Variants in ERVFRD-1 observed in about 807,000 individuals in gnomAD.
ERVFRD-1 encodes syncytin-2.
In ERVFRD-1, 33 loss-of-function variants were observed where a neutral mutation model predicts 43.8. That is an observed-to-expected ratio of 0.75 (90% CI 0.57 to 1.01). The LOEUF (loss-of-function observed/expected upper bound fraction) is 1.01. ERVFRD-1 is among the 50% of genes least tolerant of loss of function. ERVFRD-1 has a pLI of 0.00. For synonymous variants in ERVFRD-1, 239 were observed against 244.4 expected, an observed-to-expected ratio of 0.98 and a Z score of 0.21; for missense variants, 568 against 658.4, an observed-to-expected ratio of 0.86 and a Z score of 1.50.
intron 1 of ERVFRD-1, among the ~76,000 whole-genome samples, chr6:11,109,835 A>G (rs968461441): frequency 4.6e-5 from 7 of 152,128 alleles, no homozygotes; most frequent in African/African-American, 1.7e-4. Context: ...AGACTTGATT[A>G]CCTGTCCACA....
chr6:11,106,888 C>G (rs995162431), intron 1 of ERVFRD-1, among the ~76,000 whole-genome samples: 1 of 152,206 alleles, frequency 6.6e-6, no homozygotes, highest in Non-Finnish European at 1.5e-5. Context: ...TAGGTACACC[C>G]TCTCCTTCCA....
Position 11,103,797 on chromosome 6 carries a change from T to C in ERVFRD-1, c.1514A>G (p.Asn505Ser), listed in dbSNP as rs1355627237. ...AGAGGAGACAAATTGGGTTATTAGA[T>C]TTAGGAGACATGGACCAAAAAGGAG... ...LLLLFGPCLL[N>S]LITQFVSSRL... The change falls in exon 2 of 2, where the codon AAT (asparagine) becomes AGT (serine). Residue 505 changes from asparagine (N) to serine (S), a missense_variant. Asn to Ser is a conservative substitution (Grantham distance 46, BLOSUM62 1). Transcript: ENST00000472091. The C allele has an allele frequency of 1.3e-6, 2 of 1,551,622 alleles. No homozygotes were observed. The highest frequency in any genetic ancestry group is 3.9e-5 in the Admixed American group (2 of 51,004).
Position 11,110,772 on chromosome 6 carries a change from T to C in ERVFRD-1, c.-321+905A>G, listed in dbSNP as rs545712302. ...AGAGGGCAACGTTTATTTGCCCTCT[T>C]GATATAAAGGAGGAACCTCTGGAGG... is the stretch of plus-strand genomic sequence containing the variant. On this transcript the variant is annotated intron_variant, in intron 1 of 1. Coordinates refer to ENST00000472091, the MANE Select transcript of ERVFRD-1 (RefSeq NM_207582.3). Among the ~76,000 whole-genome samples, 30 of 152,220 alleles carry C rather than the reference T, an allele frequency of 2.0e-4. No individual in the cohort carries two copies. The South Asian group carries it at 6.2e-3, about 32-fold the overall frequency.
At chr6:11,110,653 C>T (rs1039434090) in intron 1 of ERVFRD-1, among the ~76,000 whole-genome samples, 3 of 152,192 alleles carry the variant, frequency 2.0e-5, no homozygotes, top group East Asian at 3.8e-4. Context: ...CGAGGTAGAA[C>T]AATCCCTCTG....
chr6:11,105,328 T>A lies in ERVFRD-1; in HGVS notation c.-18A>T, dbSNP rs368385298. Reference sequence around the variant, plus strand: ...AGGCCCATGGTGACCTAAGAGAAACTGGTCACAAAACGAGCTGCCAATGGA... The same window carrying A: ...AGGCCCATGGTGACCTAAGAGAAACAGGTCACAAAACGAGCTGCCAATGGA... On this transcript the variant is annotated 5_prime_UTR_variant, in exon 2 of 2. Coordinates refer to ENST00000472091, the MANE Select transcript of ERVFRD-1 (RefSeq NM_207582.3). 23 of 1,586,074 alleles carry A rather than the reference T, an allele frequency of 1.5e-5. No individual in the cohort carries two copies. In the African/African-American group the frequency reaches 2.3e-4, roughly 16 times the overall value.
intron 1 of ERVFRD-1, among the ~76,000 whole-genome samples, chr6:11,107,328 C>T (rs919996806): frequency 2.0e-5 from 3 of 152,220 alleles, no homozygotes; most frequent in Admixed American, 6.5e-5. Flanking sequence ...TGTTTTCAGA[C>T]ACGTTGTATT....
chr6:11,103,483 C>A lies in ERVFRD-1; in HGVS notation c.*211G>T. On this transcript the variant is annotated 3_prime_UTR_variant, in exon 2 of 2. Transcript: ENST00000472091. ...CCTCAAGAGTCCAAGACCCAATTATCTGGGAAAATGGACGAAGGTCAGTCT... is the reference window on the plus strand; with the variant it reads ...CCTCAAGAGTCCAAGACCCAATTATATGGGAAAATGGACGAAGGTCAGTCT... 1 of 667,480 alleles carries A rather than the reference C, an allele frequency of 1.5e-6. No individual in the cohort carries two copies. The highest frequency in any genetic ancestry group is 2.3e-6 in the Non-Finnish European group (1 of 431,248). 41.3% of individuals were successfully genotyped at this position (667,480 alleles called of 1,614,324 possible).
rs1280632114 is a variant in ERVFRD-1 at position 11,105,186 on chromosome 6, T to C, written c.125A>G (p.Asn42Ser). The C allele has an allele frequency of 6.2e-7, 1 of 1,614,098 alleles. No homozygotes were observed. Among genetic ancestry groups the C allele is most frequent in the Non-Finnish European group, 8.5e-7 (1 of 1,180,008 alleles). The stretch of plus-strand genomic sequence containing the variant: ...GGAAGAGCTAGTACATAACCAGCAA[T>C]TGGTGGAGTAAGGGGATCCTGTACT... ...LQSTGSPYST[N>S]CWLCTSSSTE... The change falls in exon 2 of 2, where the codon AAT becomes AGT. Residue 42 changes from asparagine to serine, a missense_variant. Physicochemically the swap from Asn to Ser is conservative, Grantham distance 46. Transcript: ENST00000472091.
At chr6:11,108,736 G>A (rs1388475729) in intron 1 of ERVFRD-1, among the ~76,000 whole-genome samples, 1 of 152,208 alleles carries the variant, frequency 6.6e-6, no homozygotes, top group African/African-American at 2.4e-5. Flanking sequence ...CTTTGCAGAT[G>A]TCAGGCATAG....
Position 11,104,146 on chromosome 6 carries a change from C to T in ERVFRD-1, c.1165G>A (p.Ala389Thr). ...TTAGCCATGGTGTCAATGTTGTTGG[C>T]TATTTCCTTTGAGAGCTGGCTATAG... is the stretch of plus-strand genomic sequence containing the variant. ...LTYSQLSKEI[A>T]NNIDTMAKAL... The change falls in exon 2 of 2, where the codon GCC becomes ACC. Residue 389 changes from alanine to threonine, a missense_variant. Ala to Thr is a moderately conservative substitution (Grantham distance 58). Transcript: ENST00000472091. 1 of 1,550,056 alleles carries T rather than the reference C, an allele frequency of 6.5e-7. No individual in the cohort carries two copies.
intron 1 of ERVFRD-1, among the ~76,000 whole-genome samples, chr6:11,110,840 T>C (rs1395076481): frequency 1.3e-5 from 2 of 152,166 alleles, no homozygotes; most frequent in African/African-American, 4.8e-5. Context: ...CAGAGAATTT[T>C]CCTTCCCCAC....
Position 11,105,343 on chromosome 6 carries a change from C to A in ERVFRD-1, c.-33G>T, listed in dbSNP as rs750038958. 2.7e-5 allele frequency: 42 copies of A among 1,529,746 alleles called. No individual in the cohort carries two copies. Among genetic ancestry groups the A allele is most frequent in the Non-Finnish European group, 3.8e-5 (42 of 1,116,372 alleles). The allele number at this position is 1,529,746 out of a possible 1,614,324, so 94.8% of individuals were successfully genotyped here. Reference sequence around the variant, plus strand: ...TAAGAGAAACTGGTCACAAAACGAGCTGCCAATGGAACTCCTGGTGGTGTA... The same window carrying A: ...TAAGAGAAACTGGTCACAAAACGAGATGCCAATGGAACTCCTGGTGGTGTA... On this transcript the variant is annotated 5_prime_UTR_variant, in exon 2 of 2. Coordinates refer to ENST00000472091, the MANE Select transcript of ERVFRD-1 (RefSeq NM_207582.3).
In ERVFRD-1 at chr6:11,105,330, G is replaced by A. The variant is rs574423509; in HGVS notation, c.-20C>T. On this transcript the variant is annotated 5_prime_UTR_variant, in exon 2 of 2. Coordinates refer to ENST00000472091, the MANE Select transcript of ERVFRD-1 (RefSeq NM_207582.3). ...GCCCATGGTGACCTAAGAGAAACTG[G>A]TCACAAAACGAGCTGCCAATGGAAC... 1.3e-4 allele frequency: 212 copies of A among 1,578,638 alleles called. 2 individuals are homozygous for A. The South Asian group carries it at 2.3e-3, about 17-fold the overall frequency.
At position 11,105,477 on chromosome 6, in the gene ERVFRD-1, T is replaced by C. The variant is rs1758071954; in HGVS notation, c.-167A>G. On this transcript the variant is annotated 5_prime_UTR_variant, in exon 2 of 2. Coordinates refer to ENST00000472091, the MANE Select transcript of ERVFRD-1 (RefSeq NM_207582.3). ...AAGGATGTTGGTGGGGCATTACTTA[T>C]CTTTTTGTTTAAAGAGGAATTTTAG... 3.3e-6 allele frequency: 2 copies of C among 600,996 alleles called. No homozygotes were observed. Among genetic ancestry groups the C allele is most frequent in the East Asian group, 2.8e-5 (1 of 35,660 alleles). The allele number at this position is 600,996 out of a possible 1,614,324, so 37.2% of individuals were successfully genotyped here.
At position 11,103,497 on chromosome 6, in the gene ERVFRD-1, G is replaced by T; in HGVS notation, c.*197C>A. ...GACCCAATTATCTGGGAAAATGGAC[G>T]AAGGTCAGTCTTCTTTAACTGCTTC... On this transcript the variant is annotated 3_prime_UTR_variant, in exon 2 of 2. Coordinates refer to ENST00000472091, the MANE Select transcript of ERVFRD-1 (RefSeq NM_207582.3). 1 of 738,270 alleles carries T rather than the reference G, an allele frequency of 1.4e-6. No homozygotes were observed. Among genetic ancestry groups the T allele is most frequent in the Non-Finnish European group, 2.0e-6 (1 of 495,552 alleles). 45.7% of individuals were successfully genotyped at this position (738,270 alleles called of 1,614,324 possible). A position where few individuals can be genotyped will look rare whatever the true frequency, so the allele number is the denominator to read the frequency against.
In ERVFRD-1 at chr6:11,104,445, G is replaced by GA; in HGVS notation, c.865dup (p.Ser289PhefsTer5). 6.4e-7 allele frequency: 1 copy of GA among 1,551,844 alleles called. No homozygotes were observed. The highest frequency in any genetic ancestry group is 2.4e-5 in the East Asian group (1 of 40,926). On this transcript the variant is annotated frameshift_variant, in exon 2 of 2. Coordinates refer to ENST00000472091, the MANE Select transcript of ERVFRD-1 (RefSeq NM_207582.3). LOFTEE classifies it high-confidence loss of function. ...GGCTCCTTGAGTTTTAAGGCATGTA[G>GA]AGATATGGAAATGAAATAAGGGGGT...
rs970727944 is a variant in ERVFRD-1, at chr6:11,105,396, A to G, written c.-86T>C. 3.4e-5 allele frequency: 34 copies of G among 993,706 alleles called. No homozygotes were observed. Among genetic ancestry groups the G allele is most frequent in the African/African-American group, 4.9e-5 (3 of 61,354 alleles). 61.6% of individuals were successfully genotyped at this position (993,706 alleles called of 1,614,324 possible). The stretch of plus-strand genomic sequence containing the variant: ...AGTTAGGGTTAAAATAGTGATAACA[A>G]TCAGAGCAATTGCCAGTAAAATTTC... On this transcript the variant is annotated 5_prime_UTR_variant, in exon 2 of 2. Transcript: ENST00000472091.
chr6:11,105,007 C>G lies in ERVFRD-1; in HGVS notation c.304G>C (p.Asp102His). Residue 102 changes from aspartate to histidine, a missense_variant, in exon 2 of 2, where the codon GAT (aspartate) becomes CAT (histidine). By Grantham distance (81) the Asp-to-His change is moderately conservative. Coordinates refer to ENST00000472091, the MANE Select transcript of ERVFRD-1 (RefSeq NM_207582.3). ...LLSTVKQDFP[D>H]IRQKPPIFGP... ...AAAATGGGAGGTTTCTGGCGGATAT[C>G]AGGGAAATCTTGCTTTACTGTTGAA... 1.2e-6 allele frequency: 2 copies of G among 1,614,174 alleles called. No individual in the cohort carries two copies. Among genetic ancestry groups the G allele is most frequent in the East Asian group, 4.5e-5 (2 of 44,884 alleles).
intron 1 of ERVFRD-1, among the ~76,000 whole-genome samples, chr6:11,110,912 G>T (rs1758157686): frequency 6.6e-6 from 1 of 152,196 alleles, no homozygotes; most frequent in East Asian, 1.9e-4. Context: ...ACAGAGTGAG[G>T]TCCTATGCAA....
Sources: gnomAD v4.1 joint callset for allele counts (sites outside exome capture counted in the v4.1 genomes callset) on GRCh38, gnomAD v4.1.1 for gene constraint, MANE v1.5 for transcripts, NCBI Gene and HGNC (gene_info 2026-07-23, HGNC 2026-07-21) for gene names.